Variants in ZMIZ1 observed in about 807,000 individuals in gnomAD.
ZMIZ1 encodes the protein zinc finger MIZ-type containing 1, also known as zinc finger MIZ domain-containing protein 1.
Under a neutral mutation model 113.9 loss-of-function variants are expected in ZMIZ1, and 17 were observed. The observed-to-expected ratio is 0.15, with a 90% CI of 0.10 to 0.22. The LOEUF (loss-of-function observed/expected upper bound fraction) is 0.22. Ranked by LOEUF, ZMIZ1 falls within the 10% of genes least tolerant of loss-of-function variation. The pLI, the probability that ZMIZ1 is intolerant of heterozygous loss-of-function variation, is 1.00. For missense variants in ZMIZ1, 1,059 were observed against 1,477.8 expected (o/e 0.72, Z 4.65); for synonymous variants, 607 against 603.1 (o/e 1.01, Z -0.09).
At chr10:79,301,579 ACT>A (rs1226660708) in intron 17 of ZMIZ1, among the ~76,000 whole-genome samples, 1 of 151,956 alleles carries the variant, frequency 6.6e-6, no homozygotes, top group Non-Finnish European at 1.5e-5. Context: ...AGAAGGAAAC[ACT>A]CTGATCCACC....
intron 1 of ZMIZ1, among the ~76,000 whole-genome samples, chr10:79,090,614 G>A (rs1842956451): frequency 6.6e-6 from 1 of 152,218 alleles, no homozygotes; most frequent in Non-Finnish European, 1.5e-5. Context: ...GCCATGTGCT[G>A]AGATGTTGAG....
At chr10:79,293,677 G>C (rs755699629) in intron 12 of ZMIZ1, 24 bp downstream of exon 12, 19 of 1,613,012 alleles carry the variant, frequency 1.2e-5, no homozygotes, top group Non-Finnish European at 1.5e-5. Context: ...TGGGAGCCTG[G>C]GAGGTGGGAA....
At chr10:79,130,885 G>C (rs1380077464) in intron 2 of ZMIZ1, among the ~76,000 whole-genome samples, 1 of 152,184 alleles carries the variant, frequency 6.6e-6, no homozygotes, top group Non-Finnish European at 1.5e-5. Context: ...TATGAAATGA[G>C]CACCGTCTTC....
At chr10:79,212,143 C>T (rs1310717023) in intron 6 of ZMIZ1, among the ~76,000 whole-genome samples, 4 of 151,580 alleles carry the variant, frequency 2.6e-5, no homozygotes, top group African/African-American at 9.7e-5. Flanking sequence ...CACCCGTCTT[C>T]TTCTTTTTTT....
chr10:79,070,458 G>A (rs1346628804), intron 1 of ZMIZ1, among the ~76,000 whole-genome samples: 1 of 152,104 alleles, frequency 6.6e-6, no homozygotes, highest in Non-Finnish European at 1.5e-5. Flanking sequence ...CCTCAGCCCC[G>A]GGTTTAAAAG....
intron 7 of ZMIZ1, 41 bp downstream of exon 7, chr10:79,216,315 G>C: frequency 6.5e-7 from 1 of 1,539,248 alleles, no homozygotes; most frequent in East Asian, 2.5e-5. Context: ...ACTGGGAGGT[G>C]GGGAGGGGAA....
intron 7 of ZMIZ1, among the ~76,000 whole-genome samples, chr10:79,252,450 C>G (rs1850612408): frequency 6.6e-6 from 1 of 152,012 alleles, no homozygotes; most frequent in South Asian, 2.1e-4. Context: ...TCCACCACAC[C>G]CTCACCATGG....
In ZMIZ1 at chr10:79,155,949, C is replaced by G. The variant is rs576049045; in HGVS notation, c.-130-6104C>G. On this transcript the variant is annotated intron_variant, in intron 3 of 24. Coordinates refer to ENST00000334512, the MANE Select transcript of ZMIZ1 (RefSeq NM_020338.4). ...CCCGCCAGCACTCTGTGCACATGCC[C>G]CTAGTTATCTGAGGATTACCCATCT... Among the ~76,000 whole-genome samples, 17 of 152,346 alleles carry G rather than the reference C, an allele frequency of 1.1e-4. No homozygotes were observed. The East Asian group carries it at 3.3e-3, about 29-fold the overall frequency.
At chr10:79,104,468 C>T (rs1423980643) in intron 1 of ZMIZ1, among the ~76,000 whole-genome samples, 1 of 152,152 alleles carries the variant, frequency 6.6e-6, no homozygotes, top group Non-Finnish European at 1.5e-5. Context: ...GTTAAAGCCT[C>T]AGTTTTGTCA....
chr10:79,170,640 T>C (rs894335054), intron 4 of ZMIZ1, among the ~76,000 whole-genome samples: 1 of 152,198 alleles, frequency 6.6e-6, no homozygotes, highest in East Asian at 1.9e-4. Flanking sequence ...GTGGGGGCAG[T>C]CCTGCAGCTC....
intron 4 of ZMIZ1, among the ~76,000 whole-genome samples, chr10:79,195,046 C>T (rs78140883): frequency 0.018 from 2,790 of 152,310 alleles, 77 homozygotes; most frequent in African/African-American, 0.063. Context: ...CCTTGGGCTG[C>T]CCTGGAAGAA....
intron 7 of ZMIZ1, among the ~76,000 whole-genome samples, chr10:79,271,838 A>G (rs1026147268): frequency 6.6e-6 from 1 of 152,180 alleles, no homozygotes; most frequent in Non-Finnish European, 1.5e-5. Context: ...GAGGGGGCTT[A>G]CGAATAAGAG....
At chr10:79,113,441 G>A (rs866621326) in intron 1 of ZMIZ1, among the ~76,000 whole-genome samples, 11 of 152,254 alleles carry the variant, frequency 7.2e-5, no homozygotes, top group Middle Eastern at 6.8e-3. Flanking sequence ...CCTCCTGCCC[G>A]TCCACACCTG....
chr10:79,311,289 G>T (rs1855142220), intron 24 of ZMIZ1, 105 bp downstream of exon 24: 9 of 1,346,756 alleles, frequency 6.7e-6, no homozygotes, highest in Middle Eastern at 5.7e-4. Context: ...AAGGGAGGAG[G>T]TGGGTGGGCG....
intron 7 of ZMIZ1, among the ~76,000 whole-genome samples, chr10:79,219,963 C>T (rs1043036224): frequency 6.6e-6 from 1 of 152,138 alleles, no homozygotes; most frequent in African/African-American, 2.4e-5. Flanking sequence ...GAAAGGGGGC[C>T]AGTCTGAGGA....
intron 4 of ZMIZ1, among the ~76,000 whole-genome samples, chr10:79,190,206 G>A (rs565514755): frequency 3.3e-5 from 5 of 152,188 alleles, no homozygotes; most frequent in African/African-American, 7.2e-5. Flanking sequence ...CCCCCAAGGC[G>A]GCTTGGAGCT....
chr10:79,091,659 A>T (rs1370704062), intron 1 of ZMIZ1, among the ~76,000 whole-genome samples: 1 of 152,128 alleles, frequency 6.6e-6, no homozygotes, highest in East Asian at 1.9e-4. Context: ...AAGGAGCGGG[A>T]GGAAAGGTAC....
At chr10:79,178,876 G>A (rs74876819) in intron 4 of ZMIZ1, among the ~76,000 whole-genome samples, 306 of 152,256 alleles carry the variant, frequency 2.0e-3, no homozygotes, top group African/African-American at 7.0e-3. Context: ...ACCATGGGCC[G>A]TGGATCTCCC....
rs1476065299 is a variant in ZMIZ1, at chr10:79,314,015, G to A, written c.*1266G>A. 1 of 456,236 alleles carries A rather than the reference G, an allele frequency of 2.2e-6. No homozygotes were observed. The highest frequency in any genetic ancestry group is 4.4e-6 in the Non-Finnish European group (1 of 226,886). 28.3% of individuals were successfully genotyped at this position (456,236 alleles called of 1,614,324 possible). A position where few individuals can be genotyped will look rare whatever the true frequency, so the allele number is the denominator to read the frequency against. On this transcript the variant is annotated 3_prime_UTR_variant, in exon 25 of 25. Transcript: ENST00000334512. ...ATGTACCTGCAGGCATGGGGGGGAG[G>A]GGGGCGTGTTTCTGGGCCTGCCCCA...
Sources: gnomAD v4.1 joint callset for allele counts (sites outside exome capture counted in the v4.1 genomes callset) on GRCh38, gnomAD v4.1.1 for gene constraint, MANE v1.5 for transcripts, NCBI Gene and HGNC (gene_info 2026-07-23, HGNC 2026-07-21) for gene names.